Variants in TNRC6B observed in about 807,000 individuals in gnomAD.
TNRC6B encodes trinucleotide repeat containing adaptor 6B.
In TNRC6B, 52 loss-of-function variants were observed where a neutral mutation model predicts 203.6. The observed-to-expected ratio is 0.26, with a 90% CI of 0.20 to 0.32. The LOEUF is 0.32. Among genes scored for constraint, TNRC6B ranks in the 10% least tolerant of loss-of-function variants. The pLI is 1.00. For missense variants in TNRC6B, 1,923 were observed against 2,286.2 expected, an observed-to-expected ratio of 0.84 and a Z score of 3.24; for synonymous variants, 838 against 845.7, an observed-to-expected ratio of 0.99 and a Z score of 0.16.
At chr22:40,123,893 ACT>A (rs2068465355) in intron 2 of TNRC6B, among the ~76,000 whole-genome samples, 1 of 132,032 alleles carries the variant, frequency 7.6e-6, no homozygotes, top group African/African-American at 3.9e-5. Flanking sequence ...TAGAAAGAGA[ACT>A]TTTTTTTTTT....
intron 3 of TNRC6B, among the ~76,000 whole-genome samples, chr22:40,137,727 T>A (rs1023854313): frequency 6.6e-6 from 1 of 152,174 alleles, no homozygotes; most frequent in Non-Finnish European, 1.5e-5. Context: ...CCCACACCTA[T>A]AATCCCAGCA....
chr22:40,287,732 G>T (rs2146530676), intron 12 of TNRC6B, among the ~76,000 whole-genome samples: 1 of 152,336 alleles, frequency 6.6e-6, no homozygotes, highest in African/African-American at 2.4e-5. Context: ...TAGCATGTTA[G>T]ATAATGTCTT....
chr22:40,231,105 T>A (rs2069863600), intron 1 of TNRC6B, among the ~76,000 whole-genome samples: 1 of 152,178 alleles, frequency 6.6e-6, no homozygotes, highest in South Asian at 2.1e-4. Flanking sequence ...CCCATTGAAC[T>A]TTTTGTCTAT....
At chr22:40,303,394 G>T (rs2071051166) in intron 15 of TNRC6B, among the ~76,000 whole-genome samples, 1 of 151,968 alleles carries the variant, frequency 6.6e-6, no homozygotes, top group African/African-American at 2.4e-5. Flanking sequence ...ATTTACTGAA[G>T]AAATTTTATT....
chr22:40,096,915 C>T (rs1289230255), intron 1 of TNRC6B, among the ~76,000 whole-genome samples: 2 of 152,124 alleles, frequency 1.3e-5, no homozygotes, highest in African/African-American at 4.8e-5. Flanking sequence ...GCAGTGTGCT[C>T]CATTATGACA....
At chr22:40,153,354 C>G (rs909279595) in intron 3 of TNRC6B, among the ~76,000 whole-genome samples, 1 of 151,902 alleles carries the variant, frequency 6.6e-6, no homozygotes, top group East Asian at 1.9e-4. Flanking sequence ...ACATCCCTAG[C>G]GAGATGTCAG....
chr22:40,091,074 C>T (rs1055103485), intron 1 of TNRC6B, among the ~76,000 whole-genome samples: 14 of 152,108 alleles, frequency 9.2e-5, no homozygotes, highest in African/African-American at 1.9e-4. Context: ...CTTCGCCTCC[C>T]GGGTTCACGC....
At chr22:40,178,282 C>A in intron 1 of TNRC6B, 142 bp downstream of exon 1, 2 of 900,208 alleles carry the variant, frequency 2.2e-6, no homozygotes, top group South Asian at 1.9e-5. Context: ...GTAAATCAGA[C>A]CCGTGATGTA....
intron 3 of TNRC6B, among the ~76,000 whole-genome samples, chr22:40,145,082 A>AG: frequency 6.6e-6 from 1 of 151,802 alleles, no homozygotes; most frequent in East Asian, 1.9e-4. Context: ...AAAAAAAAAA[A>AG]AAAAATTTTT....
chr22:40,298,922 C>T (rs2070982589), intron 12 of TNRC6B, among the ~76,000 whole-genome samples: 1 of 150,174 alleles, frequency 6.7e-6, no homozygotes, highest in South Asian at 2.1e-4. Context: ...GCCAAGATAG[C>T]GCCACTGCAC....
At chr22:40,139,477 G>A (rs1010381937) in intron 3 of TNRC6B, among the ~76,000 whole-genome samples, 1 of 151,958 alleles carries the variant, frequency 6.6e-6, no homozygotes, top group African/African-American at 2.4e-5. Flanking sequence ...GATTACAGGC[G>A]CATGCTGCCA....
chr22:40,298,453 G>A (rs748397230), intron 12 of TNRC6B, among the ~76,000 whole-genome samples: 31 of 152,214 alleles, frequency 2.0e-4, no homozygotes, highest in Non-Finnish European at 3.8e-4. Flanking sequence ...GCCTGAAGAT[G>A]AGATGCAAGG....
At chr22:40,251,603 C>T (rs936576703) in intron 3 of TNRC6B, among the ~76,000 whole-genome samples, 5 of 152,012 alleles carry the variant, frequency 3.3e-5, no homozygotes, top group African/African-American at 1.2e-4. Flanking sequence ...CCTGTAATCC[C>T]AGCTCCTTGG....
At chr22:40,282,393 C>T (rs2070730249) in intron 11 of TNRC6B, among the ~76,000 whole-genome samples, 1 of 152,078 alleles carries the variant, frequency 6.6e-6, no homozygotes, top group Non-Finnish European at 1.5e-5. Context: ...TATTTTCTTC[C>T]TTTATATTTC....
At chr22:40,234,796 A>G (rs1421707301) in intron 1 of TNRC6B, among the ~76,000 whole-genome samples, 3 of 152,170 alleles carry the variant, frequency 2.0e-5, no homozygotes, top group South Asian at 2.1e-4. Flanking sequence ...CCCTAGTGCT[A>G]TTTGGCCTTG....
At chr22:40,131,973 A>T (rs986098749) in intron 3 of TNRC6B, among the ~76,000 whole-genome samples, 2 of 152,176 alleles carry the variant, frequency 1.3e-5, no homozygotes, top group Non-Finnish European at 2.9e-5. Flanking sequence ...TGTGTATGTG[A>T]GAGATAAAAT....
chr22:40,133,771 C>T (rs1482342988), intron 3 of TNRC6B, among the ~76,000 whole-genome samples: 2 of 151,750 alleles, frequency 1.3e-5, no homozygotes, highest in African/African-American at 4.8e-5. Context: ...GAGTTCGAGA[C>T]CAGCCTGACC....
At chr22:40,261,609 A>G (rs149371399) in intron 3 of TNRC6B, among the ~76,000 whole-genome samples, 10 of 151,950 alleles carry the variant, frequency 6.6e-5, no homozygotes, top group African/African-American at 9.7e-5. Flanking sequence ...TAAATAAATA[A>G]ATAAATAAAT....
At chr22:40,098,122 A>T (rs978096091) in intron 1 of TNRC6B, among the ~76,000 whole-genome samples, 4 of 152,150 alleles carry the variant, frequency 2.6e-5, no homozygotes, top group African/African-American at 9.6e-5. Context: ...ATGGTGGCTC[A>T]TGCCTGTAAT....
Sources: gnomAD v4.1 joint callset for allele counts (sites outside exome capture counted in the v4.1 genomes callset) on GRCh38, gnomAD v4.1.1 for gene constraint, MANE v1.5 for transcripts, NCBI Gene and HGNC (gene_info 2026-07-23, HGNC 2026-07-21) for gene names.